The following ELK3 variants were observed in gnomAD, a reference collection of about 807,000 sequenced individuals.
The protein encoded by ELK3 is ETS transcription factor ELK3, also known as ETS domain-containing protein Elk-3.
ELK3 carries 10 observed loss-of-function variants against 28.9 expected under a neutral mutation model. The ratio of observed to expected loss-of-function variants is 0.35; its 90% CI spans 0.21 to 0.59. ELK3 has a LOEUF of 0.59. Ranked by LOEUF, ELK3 falls within the 20% of genes least tolerant of loss-of-function variation. The pLI is 0.82. For synonymous variants in ELK3, 272 were observed against 243.5 expected (o/e 1.12, Z -1.09); for missense variants, 463 against 517.3 (o/e 0.90, Z 1.02).
chr12:96,259,644 C>T, intron 3 of ELK3, 87 bp from the exon 4 acceptor site: 10 of 1,435,300 alleles, frequency 7.0e-6, no homozygotes, highest in Non-Finnish European at 9.3e-6. Context: ...CCATGCCTAG[C>T]CTACCTAACC....
Position 96,214,466 on chromosome 12 carries a change from A to C in ELK3, c.-2-9099A>C, listed in dbSNP as rs533094707. 6.6e-5 allele frequency among the ~76,000 whole-genome samples: 10 copies of C among 151,734 alleles called. No homozygotes were observed. In the South Asian group the frequency reaches 8.3e-4, roughly 13 times the overall value. On this transcript the variant is annotated intron_variant, in intron 1 of 4. Transcript: ENST00000228741. Reference sequence around the variant, plus strand: ...ACAAAACAAACAAACAAAAAAAAAAACAGCAAAAACCATTGCAGACTGTAA... The same window carrying C: ...ACAAAACAAACAAACAAAAAAAAAACCAGCAAAAACCATTGCAGACTGTAA...
intron 2 of ELK3, among the ~76,000 whole-genome samples, chr12:96,242,337 G>C (rs931083645): frequency 6.6e-6 from 1 of 152,136 alleles, no homozygotes; most frequent in African/African-American, 2.4e-5. Flanking sequence ...TATACTTTCC[G>C]AGCCTCAGCT....
At chr12:96,206,817 T>C (rs529185231) in intron 1 of ELK3, among the ~76,000 whole-genome samples, 150 of 152,360 alleles carry the variant, frequency 9.8e-4, no homozygotes, top group African/African-American at 3.1e-3. Context: ...TTGATGTTAA[T>C]GCCACCAACA....
chr12:96,260,618 T>C (rs908650690), intron 4 of ELK3, among the ~76,000 whole-genome samples: 4 of 152,210 alleles, frequency 2.6e-5, no homozygotes, highest in Admixed American at 1.3e-4. Flanking sequence ...CTTGCTATCA[T>C]GGAGAAATCA....
intron 1 of ELK3, among the ~76,000 whole-genome samples, chr12:96,205,480 T>G (rs1250275351): frequency 6.6e-6 from 1 of 152,180 alleles, no homozygotes; most frequent in Non-Finnish European, 1.5e-5. Flanking sequence ...TTTCTTTTCT[T>G]TTTTTCTTTT....
At chr12:96,197,605 C>A (rs1447146769) in intron 1 of ELK3, among the ~76,000 whole-genome samples, 1 of 151,938 alleles carries the variant, frequency 6.6e-6, no homozygotes, top group Non-Finnish European at 1.5e-5. Flanking sequence ...GATGGTGTAC[C>A]CTTTATGTCC....
rs571514720 is a variant in ELK3 at position 96,246,964 on chromosome 12, C to G, written c.232C>G (p.Gln78Glu). The change falls in exon 3 of 5, where the codon CAG becomes GAG. Residue 78 changes from glutamine to glutamate, a missense_variant. Around this residue, in one of 2 missense-constraint regions of ELK3, gnomAD observed 55 missense variants for 102.5 expected, o/e 0.54. Transcript: ENST00000228741. ...DKNIIKKVIG[Q>E]KFVYKFVSFP... ...GAACATCATCAAGAAGGTGATCGGGCAGAAGTTTGTGTACAAGTTTGTCTC... is the reference window on the plus strand; with the variant it reads ...GAACATCATCAAGAAGGTGATCGGGGAGAAGTTTGTGTACAAGTTTGTCTC... The G allele has an allele frequency of 6.2e-7, 1 of 1,603,034 alleles. No individual in the cohort carries two copies. Among genetic ancestry groups the G allele is most frequent in the Non-Finnish European group, 8.5e-7 (1 of 1,173,780 alleles).
rs1441547466 is a variant in ELK3, at chr12:96,267,969, C to T, written c.*789C>T. 1 of 152,208 alleles carries T rather than the reference C, an allele frequency of 6.6e-6. No homozygotes were observed. Among genetic ancestry groups the T allele is most frequent in the Non-Finnish European group, 1.5e-5 (1 of 68,010 alleles). 9.4% of individuals were successfully genotyped at this position (152,208 alleles called of 1,614,324 possible). On this transcript the variant is annotated 3_prime_UTR_variant, in exon 5 of 5. Coordinates refer to ENST00000228741, the MANE Select transcript of ELK3 (RefSeq NM_005230.4). ...ATGGAAAAGCTACATCAAGTTCATG[C>T]TATTCCAGGCCCAAGAATATCTCCT...
chr12:96,201,504 C>A (rs1032650754), intron 1 of ELK3, among the ~76,000 whole-genome samples: 3 of 150,842 alleles, frequency 2.0e-5, no homozygotes, highest in African/African-American at 7.3e-5. Flanking sequence ...TCCCAGCTAC[C>A]CGGGAGGTCA....
At chr12:96,226,643 C>T (rs541082198) in intron 2 of ELK3, among the ~76,000 whole-genome samples, 8 of 152,288 alleles carry the variant, frequency 5.3e-5, no homozygotes, top group African/African-American at 1.7e-4. Context: ...CCCACTTGCA[C>T]ATACATATCC....
intron 1 of ELK3, among the ~76,000 whole-genome samples, chr12:96,206,470 C>T (rs1951539278): frequency 6.6e-6 from 1 of 152,082 alleles, no homozygotes; most frequent in African/African-American, 2.4e-5. Context: ...GTGTGCGCCA[C>T]CATGCCCAGC....
chr12:96,218,681 C>T (rs1338832976), intron 1 of ELK3, among the ~76,000 whole-genome samples: 1 of 147,292 alleles, frequency 6.8e-6, no homozygotes, highest in Non-Finnish European at 1.5e-5. Flanking sequence ...CAGAGTCTCG[C>T]TCTGTCACCT....
At position 96,269,787 on chromosome 12, in the gene ELK3, A is replaced by G. The variant is rs1361429173; in HGVS notation, c.*2607A>G. The G allele has an allele frequency of 1.3e-5, 2 of 152,172 alleles. No homozygotes were observed. Among genetic ancestry groups the G allele is most frequent in the Non-Finnish European group, 2.9e-5 (2 of 68,020 alleles). The allele number at this position is 152,172 out of a possible 1,614,324, so 9.4% of individuals were successfully genotyped here. A position where few individuals can be genotyped will look rare whatever the true frequency, so the allele number is the denominator to read the frequency against. On this transcript the variant is annotated 3_prime_UTR_variant, in exon 5 of 5. Coordinates refer to ENST00000228741, the MANE Select transcript of ELK3 (RefSeq NM_005230.4). Reference sequence around the variant, plus strand: ...CTTTATGTATCATTTTTACTGTCATATTATTTTTGTTCAATAAAAACTTTG... The same window carrying G: ...CTTTATGTATCATTTTTACTGTCATGTTATTTTTGTTCAATAAAAACTTTG...
chr12:96,210,889 C>G (rs549704325), intron 1 of ELK3, among the ~76,000 whole-genome samples: 2 of 152,164 alleles, frequency 1.3e-5, no homozygotes, highest in Non-Finnish European at 2.9e-5. Flanking sequence ...ATGTATTTCC[C>G]ACGCATTACA....
At position 96,257,030 on chromosome 12, in the gene ELK3, C is replaced by A. The variant is rs537325480; in HGVS notation, c.1003-2701C>A. 8.5e-5 allele frequency among the ~76,000 whole-genome samples: 13 copies of A among 152,306 alleles called. No homozygotes were observed. In the South Asian group the frequency reaches 2.7e-3, roughly 32 times the overall value. Reference sequence around the variant, plus strand: ...CTGTGGCATCTCCTTTCCCAGCAGCCGTGGGATCAGGAGCTCCTTATCTGC... The same window carrying A: ...CTGTGGCATCTCCTTTCCCAGCAGCAGTGGGATCAGGAGCTCCTTATCTGC... On this transcript the variant is annotated intron_variant, in intron 3 of 4. Coordinates refer to ENST00000228741, the MANE Select transcript of ELK3 (RefSeq NM_005230.4).
intron 3 of ELK3, among the ~76,000 whole-genome samples, chr12:96,258,939 A>C (rs1419910201): frequency 6.6e-6 from 1 of 152,252 alleles, no homozygotes; most frequent in African/African-American, 2.4e-5. Context: ...AGGCTGCTAC[A>C]GGGTATTTTA....
intron 4 of ELK3, among the ~76,000 whole-genome samples, chr12:96,260,873 CT>C (rs567759633): frequency 1.8e-4 from 28 of 152,290 alleles, no homozygotes; most frequent in Middle Eastern, 3.4e-3. Context: ...GCACGTGGCA[CT>C]TTGTATTATG....
chr12:96,246,922 C>T lies in ELK3; in HGVS notation c.208-18C>T. On this transcript the variant is annotated intron_variant, in intron 2 of 4. Coordinates refer to ENST00000228741, the MANE Select transcript of ELK3 (RefSeq NM_005230.4). ...TCGGGTGCACTCAGATTTTCAACGT[C>T]TACTTTTGTATTTGCAGAACATCAT... 1.3e-6 allele frequency: 2 copies of T among 1,568,930 alleles called. No homozygotes were observed. Among genetic ancestry groups the T allele is most frequent in the Non-Finnish European group, 1.7e-6 (2 of 1,155,678 alleles).
intron 2 of ELK3, chr12:96,224,084 A>C: frequency 3.1e-6 from 1 of 325,926 alleles, no homozygotes; most frequent in South Asian, 4.0e-5. Context: ...AATTGCTTGA[A>C]TGACACAATG....
Sources: gnomAD v4.1 joint callset for allele counts (sites outside exome capture counted in the v4.1 genomes callset) on GRCh38, gnomAD v4.1.1 for gene constraint, gnomAD v4.1.1 regional missense constraint, MANE v1.5 for transcripts, NCBI Gene and HGNC (gene_info 2026-07-23, HGNC 2026-07-21) for gene names.